The following RASSF3 variants were observed in gnomAD, a reference collection of about 807,000 sequenced individuals.
RASSF3 encodes the protein ras association domain-containing protein 3.
RASSF3 carries 19 observed loss-of-function variants against 19.9 expected under a neutral mutation model. The observed-to-expected ratio is 0.96, with a 90% CI of 0.67 to 1.40. The LOEUF (loss-of-function observed/expected upper bound fraction) is 1.40, where lower values mean the gene tolerates loss of function less well. Ranked by LOEUF, RASSF3 falls within the 40% of genes most tolerant of loss-of-function variation. RASSF3 has a pLI of 0.00. For missense variants in RASSF3, 306 were observed against 289.8 expected, an observed-to-expected ratio of 1.06 and a Z score of -0.41; for synonymous variants, 110 against 104.2, an observed-to-expected ratio of 1.06 and a Z score of -0.34.
At chr12:64,616,752 C>T (rs1870567544) in intron 1 of RASSF3, among the ~76,000 whole-genome samples, 1 of 152,148 alleles carries the variant, frequency 6.6e-6, no homozygotes, top group Non-Finnish European at 1.5e-5. Flanking sequence ...ATTCTCATGG[C>T]AAGCAGGCAT....
chr12:64,577,514 T>A (rs1429523128), intron 2 of RASSF3, among the ~76,000 whole-genome samples: 2 of 152,134 alleles, frequency 1.3e-5, no homozygotes, highest in African/African-American at 2.4e-5. Flanking sequence ...GTGGATCACC[T>A]GGGGTCAGGA....
At chr12:64,630,944 A>C (rs891284656) in intron 1 of RASSF3, among the ~76,000 whole-genome samples, 4 of 152,236 alleles carry the variant, frequency 2.6e-5, no homozygotes, top group Non-Finnish European at 5.9e-5. Flanking sequence ...TTGAGTGAGT[A>C]AATCTGGGCA....
chr12:64,566,585 A>G (rs1228835952), intron 2 of RASSF3, among the ~76,000 whole-genome samples: 1 of 152,174 alleles, frequency 6.6e-6, no homozygotes, highest in Non-Finnish European at 1.5e-5. Context: ...TAGAGGTGAA[A>G]AAGTAGAGGA....
rs185988153 is a variant in RASSF3 at position 64,695,034 on chromosome 12, G to A, written c.*122G>A. Reference sequence around the variant, plus strand: ...TGCTAGGGTCTTCGCCTTTCTATCTGTAGATTTTGTTCCCCAAACCTGGTC... The same window carrying A: ...TGCTAGGGTCTTCGCCTTTCTATCTATAGATTTTGTTCCCCAAACCTGGTC... On this transcript the variant is annotated 3_prime_UTR_variant, in exon 5 of 5. Coordinates refer to ENST00000542104, the MANE Select transcript of RASSF3 (RefSeq NM_178169.4). 3,457 of 1,082,644 alleles carry A rather than the reference G, an allele frequency of 3.2e-3. 12 individuals are homozygous for A. The highest frequency in any genetic ancestry group is 4.1e-3 in the Middle Eastern group (13 of 3,190). The allele number at this position is 1,082,644 out of a possible 1,614,324, so 67.1% of individuals were successfully genotyped here.
chr12:64,644,421 C>A (rs954779303), intron 1 of RASSF3, among the ~76,000 whole-genome samples: 10 of 152,080 alleles, frequency 6.6e-5, no homozygotes, highest in African/African-American at 2.2e-4. Flanking sequence ...TCTGTCCAGG[C>A]AAGGTGGCTC....
intron 1 of RASSF3, among the ~76,000 whole-genome samples, chr12:64,638,101 A>T (rs1871384755): frequency 1.3e-5 from 2 of 152,260 alleles, no homozygotes; most frequent in South Asian, 4.1e-4. Context: ...AAGTGTTGGG[A>T]TTATAGGCAT....
chr12:64,596,565 T>C (rs1318809976), intron 2 of RASSF3, among the ~76,000 whole-genome samples: 3 of 152,108 alleles, frequency 2.0e-5, no homozygotes, highest in Non-Finnish European at 4.4e-5. Context: ...TGACAGGAAG[T>C]TTCACAAACT....
upstream of RASSF3, among the ~76,000 whole-genome samples, chr12:64,608,229 T>C (rs1870228205): frequency 6.6e-6 from 1 of 152,150 alleles, no homozygotes; most frequent in Non-Finnish European, 1.5e-5. Flanking sequence ...TCTGATGGTA[T>C]GCTGACAGAT....
intron 1 of RASSF3, among the ~76,000 whole-genome samples, chr12:64,619,367 C>T (rs555360945): frequency 6.6e-6 from 1 of 151,814 alleles, no homozygotes; most frequent in East Asian, 1.9e-4. Flanking sequence ...ATAAAACTGA[C>T]CTAATGGCAT....
At chr12:64,603,525 TC>T (rs973581327) in intron 2 of RASSF3, among the ~76,000 whole-genome samples, 2 of 152,174 alleles carry the variant, frequency 1.3e-5, no homozygotes, top group African/African-American at 4.8e-5. Context: ...TTTGCTTTTC[TC>T]CCCCACCTTG....
intron 2 of RASSF3, among the ~76,000 whole-genome samples, chr12:64,605,319 T>A (rs1228656101): frequency 1.3e-5 from 2 of 151,658 alleles, no homozygotes; most frequent in Admixed American, 1.3e-4. Flanking sequence ...TTAGAACATA[T>A]TTTTTTTCCT....
intron 2 of RASSF3, among the ~76,000 whole-genome samples, chr12:64,573,055 T>C (rs1021091359): frequency 6.6e-6 from 1 of 152,184 alleles, no homozygotes; most frequent in Non-Finnish European, 1.5e-5. Flanking sequence ...TTCCTATTTT[T>C]AAAAAGCTTT....
Position 64,548,745 on chromosome 12 carries a change from G to A in RASSF3, c.294+7040G>A, listed in dbSNP as rs116808291. On this transcript the variant is annotated intron_variant, in intron 2 of 5. Transcript: ENST00000637125. ...ACTATAAATTCATCCATAGTCTCCT[G>A]AGTAATGTATTCCACCTAAAATCTT... Among the ~76,000 whole-genome samples, 792 of 152,226 alleles carry A rather than the reference G, an allele frequency of 5.2e-3. 4 individuals carry two copies. The highest frequency in any genetic ancestry group is 0.018 in the African/African-American group (758 of 41,522).
intron 1 of RASSF3, among the ~76,000 whole-genome samples, chr12:64,649,285 C>T (rs2682716): frequency 0.28 from 43,089 of 151,326 alleles, 6,663 homozygotes; most frequent in Non-Finnish European, 0.36. Context: ...CTCCGCCTCC[C>T]GGGTTCACTC....
Position 64,688,206 on chromosome 12 carries a change from C to G in RASSF3, c.220-10C>G. 6.2e-7 allele frequency: 1 copy of G among 1,603,218 alleles called. No individual in the cohort carries two copies. Among genetic ancestry groups the G allele is most frequent in the Non-Finnish European group, 8.5e-7 (1 of 1,170,022 alleles). On this transcript the variant is annotated splice_polypyrimidine_tract_variant and intron_variant, in intron 2 of 4. Transcript: ENST00000542104. ...ACCCAGCTAAGTGTGTGCTTCTCTCCCTGCTTCAGAATTCAAATGGGATTT... is the reference window on the plus strand; with the variant it reads ...ACCCAGCTAAGTGTGTGCTTCTCTCGCTGCTTCAGAATTCAAATGGGATTT...
At chr12:64,610,811 C>G in intron 1 of RASSF3, 68 bp downstream of exon 1, 1 of 1,004,770 alleles carries the variant, frequency 1.0e-6, no homozygotes. Flanking sequence ...AGCCCGCGCC[C>G]CCTGCCTCCA....
intron 1 of RASSF3, among the ~76,000 whole-genome samples, chr12:64,640,669 G>A (rs555817242): frequency 6.6e-6 from 1 of 152,168 alleles, no homozygotes; most frequent in South Asian, 2.1e-4. Flanking sequence ...TTGAGACAGG[G>A]TCTCACTCTG....
At chr12:64,678,054 C>T (rs1159352946) in intron 1 of RASSF3, among the ~76,000 whole-genome samples, 1 of 152,140 alleles carries the variant, frequency 6.6e-6, no homozygotes, top group Non-Finnish European at 1.5e-5. Context: ...CTCTTAAGGT[C>T]TGGTCCATGG....
At chr12:64,641,812 G>A (rs1294459314) in intron 1 of RASSF3, among the ~76,000 whole-genome samples, 3 of 150,372 alleles carry the variant, frequency 2.0e-5, no homozygotes. Context: ...GTGTGATCTC[G>A]GCTCACTGCA....
Sources: allele counts gnomAD v4.1 joint callset (sites outside exome capture counted in the v4.1 genomes callset), GRCh38; gene constraint gnomAD v4.1.1; transcripts MANE v1.5; gene names NCBI Gene and HGNC (gene_info 2026-07-23, HGNC 2026-07-21).